The following ASTN1 variants were observed in gnomAD, a reference collection of about 807,000 sequenced individuals.
ASTN1 encodes the protein astrotactin 1, also known as astrotactin-1.
In ASTN1, 41 loss-of-function variants were observed where a neutral mutation model predicts 140.7. That is an observed-to-expected ratio of 0.29 (90% CI 0.23 to 0.38). ASTN1 has a LOEUF of 0.38. Among genes scored for constraint, ASTN1 ranks in the 10% least tolerant of loss-of-function variants. The probability of loss-of-function intolerance (pLI) is 1.00; values close to 1 mark genes in which losing one functional copy is unlikely to be tolerated. For synonymous variants in ASTN1, 640 were observed against 652.2 expected (o/e 0.98, Z 0.29); for missense variants, 1,479 against 1,678.8 (o/e 0.88, Z 2.08).
chr1:177,016,396 C>T (rs1036622062), intron 7 of ASTN1, among the ~76,000 whole-genome samples: 3 of 151,300 alleles, frequency 2.0e-5, no homozygotes, highest in Non-Finnish European at 2.9e-5. Context: ...TCTACATGGG[C>T]TGGATCCACA....
At chr1:176,943,161 C>T (rs963417376) in intron 14 of ASTN1, among the ~76,000 whole-genome samples, 3 of 151,852 alleles carry the variant, frequency 2.0e-5, no homozygotes, top group African/African-American at 4.8e-5. Context: ...CTCAGTCAGC[C>T]GCCTCTCATT....
At chr1:177,054,860 T>C (rs1677720010) in intron 2 of ASTN1, among the ~76,000 whole-genome samples, 1 of 152,092 alleles carries the variant, frequency 6.6e-6, no homozygotes, top group South Asian at 2.1e-4. Flanking sequence ...AGAGGAGCAA[T>C]AGAAACAGGT....
intron 11 of ASTN1, 132 bp downstream of exon 11, chr1:176,957,546 T>C: frequency 1.7e-6 from 2 of 1,193,998 alleles, no homozygotes; most frequent in Non-Finnish European, 2.3e-6. Flanking sequence ...AGAAAATCCC[T>C]AATTTACACT....
At chr1:176,960,025 T>A (rs1450650790) in intron 9 of ASTN1, among the ~76,000 whole-genome samples, 2 of 151,880 alleles carry the variant, frequency 1.3e-5, no homozygotes, top group Non-Finnish European at 2.9e-5. Flanking sequence ...GCCCCTTCAC[T>A]CACACACACA....
intron 9 of ASTN1, among the ~76,000 whole-genome samples, chr1:176,963,762 T>C (rs776175925): frequency 6.6e-6 from 1 of 152,212 alleles, no homozygotes; most frequent in African/African-American, 2.4e-5. Context: ...CTCATCTGCC[T>C]TATCTTTATC....
At chr1:177,024,969 T>A (rs753102550) in intron 5 of ASTN1, among the ~76,000 whole-genome samples, 4 of 152,150 alleles carry the variant, frequency 2.6e-5, no homozygotes, top group Non-Finnish European at 5.9e-5. Context: ...AATAATAGTC[T>A]GTTGGCCATT....
chr1:177,060,557 C>T (rs905987793), intron 2 of ASTN1, among the ~76,000 whole-genome samples: 8 of 152,134 alleles, frequency 5.3e-5, no homozygotes, highest in Non-Finnish European at 7.4e-5. Context: ...GTCACCCAGG[C>T]GGAAGTGCAG....
At chr1:176,983,126 G>A (rs1673707235) in intron 8 of ASTN1, among the ~76,000 whole-genome samples, 1 of 152,128 alleles carries the variant, frequency 6.6e-6, no homozygotes, top group South Asian at 2.1e-4. Flanking sequence ...GAAGGGGAGA[G>A]CTGAAGAATG....
intron 16 of ASTN1, among the ~76,000 whole-genome samples, chr1:176,911,024 G>A (rs1019672654): frequency 6.6e-6 from 1 of 152,142 alleles, no homozygotes; most frequent in Non-Finnish European, 1.5e-5. Flanking sequence ...AAAAAGGTGG[G>A]GGATCACTGG....
intron 16 of ASTN1, among the ~76,000 whole-genome samples, chr1:176,913,536 C>A (rs982613012): frequency 6.6e-6 from 1 of 152,220 alleles, no homozygotes; most frequent in African/African-American, 2.4e-5. Context: ...AAAACATTTT[C>A]TATGCCCTGG....
In ASTN1 at chr1:177,156,269, C is replaced by CA. The variant is rs919683416; in HGVS notation, c.283+8124dup. Among the ~76,000 whole-genome samples, 591 of 76,248 alleles carry CA rather than the reference C, an allele frequency of 7.8e-3. 4 individuals are homozygous for CA. Among genetic ancestry groups the CA allele is most frequent in the South Asian group, 0.024 (63 of 2,574 alleles). 50.0% of individuals were successfully genotyped at this position (76,248 alleles called of 152,430 possible). ...TGGGCAACAAGGTGAGACTCCGTCT[C>CA]AAAAAAAAAAAAAACAAAAAACCCA... On this transcript the variant is annotated intron_variant, in intron 1 of 22. Transcript: ENST00000361833.
At chr1:177,086,995 G>A (rs12732164) in intron 1 of ASTN1, among the ~76,000 whole-genome samples, 69,196 of 151,966 alleles carry the variant, frequency 0.46, 17,196 homozygotes, top group Non-Finnish European at 0.57. Context: ...ACTAGAAAAC[G>A]GCATCTATTC....
intron 11 of ASTN1, among the ~76,000 whole-genome samples, chr1:176,950,430 T>C (rs1413413351): frequency 6.6e-6 from 1 of 152,220 alleles, no homozygotes; most frequent in Non-Finnish European, 1.5e-5. Context: ...TACACAGTAG[T>C]CACCGTTTAC....
chr1:176,965,372 T>G (rs926147118), intron 8 of ASTN1, 135 bp from the exon 9 acceptor site: 2 of 696,922 alleles, frequency 2.9e-6, no homozygotes, highest in Non-Finnish European at 2.4e-6. Flanking sequence ...AGAAGCTCAC[T>G]AATATGAGCT....
At chr1:177,147,172 C>G (rs1682755566) in intron 1 of ASTN1, among the ~76,000 whole-genome samples, 1 of 152,196 alleles carries the variant, frequency 6.6e-6, no homozygotes, top group South Asian at 2.1e-4. Context: ...AATACCAATT[C>G]AGTGAAAAAG....
intron 1 of ASTN1, among the ~76,000 whole-genome samples, chr1:177,090,893 A>G (rs1486800963): frequency 1.4e-5 from 2 of 140,986 alleles, no homozygotes; most frequent in Non-Finnish European, 3.1e-5. Context: ...ATGCTTTGGG[A>G]TTCCTTTACC....
chr1:176,999,262 C>A (rs184915104), intron 8 of ASTN1, among the ~76,000 whole-genome samples: 20 of 152,236 alleles, frequency 1.3e-4, no homozygotes, highest in East Asian at 1.2e-3. Flanking sequence ...AATAAAGAAT[C>A]CAAAGATGTC....
At chr1:177,068,451 G>T (rs967495399) in intron 1 of ASTN1, among the ~76,000 whole-genome samples, 3 of 152,168 alleles carry the variant, frequency 2.0e-5, no homozygotes, top group Non-Finnish European at 2.9e-5. Flanking sequence ...CTATTTCCCT[G>T]CTTGGTGACA....
intron 8 of ASTN1, among the ~76,000 whole-genome samples, chr1:176,969,657 T>C (rs1176517398): frequency 6.6e-6 from 1 of 152,164 alleles, no homozygotes. Context: ...GAGGAGCCCA[T>C]GGATGGTGTC....
Sources: allele counts gnomAD v4.1 joint callset (sites outside exome capture counted in the v4.1 genomes callset), GRCh38; gene constraint gnomAD v4.1.1; transcripts MANE v1.5; gene names NCBI Gene and HGNC (gene_info 2026-07-23, HGNC 2026-07-21).